Variants in VPS13B observed in about 807,000 individuals in gnomAD.
VPS13B encodes the protein intermembrane lipid transfer protein VPS13B.
A neutral mutation model predicts 426.4 loss-of-function variants in VPS13B; 285 were observed. The observed-to-expected ratio is 0.67, with a 90% CI of 0.61 to 0.74. The LOEUF (loss-of-function observed/expected upper bound fraction) is 0.74, where lower values mean the gene tolerates loss of function less well. Ranked by LOEUF, VPS13B falls within the 30% of genes least tolerant of loss-of-function variation. VPS13B has a pLI of 0.00. For synonymous variants in VPS13B, 1,676 were observed against 1,676.4 expected (o/e 1.00, Z 0.01); for missense variants, 4,537 against 4,782.6 (o/e 0.95, Z 1.51).
At chr8:99,275,918 G>A (rs1230385227) in intron 19 of VPS13B, among the ~76,000 whole-genome samples, 2 of 152,166 alleles carry the variant, frequency 1.3e-5, no homozygotes, top group African/African-American at 4.8e-5. Context: ...AGTCAATGAA[G>A]CTAGCAACGT....
Position 99,814,360 on chromosome 8 carries a change from A to G in VPS13B, c.8098-3180A>G, listed in dbSNP as rs552405826. ...TTCTATTTTATGTTTATTGTTTCAC[A>G]TAACGAGGAGGAAGAAGGCTGGTTC... is the stretch of plus-strand genomic sequence containing the variant. On this transcript the variant is annotated intron_variant, in intron 44 of 61. Transcript: ENST00000357162. 3.3e-5 allele frequency among the ~76,000 whole-genome samples: 5 copies of G among 152,348 alleles called. No homozygotes were observed. The South Asian group carries it at 1.0e-3, about 32-fold the overall frequency.
intron 31 of VPS13B, among the ~76,000 whole-genome samples, chr8:99,566,506 T>C (rs1825196568): frequency 6.6e-6 from 1 of 151,996 alleles, no homozygotes; most frequent in Non-Finnish European, 1.5e-5. Context: ...AGTGGTGCAG[T>C]CTCAGCTCAC....
intron 51 of VPS13B, among the ~76,000 whole-genome samples, chr8:99,830,897 A>C (rs532810854): frequency 6.6e-4 from 100 of 151,612 alleles, no homozygotes; most frequent in African/African-American, 1.8e-3. Context: ...GCGACACCCC[A>C]CCCTGCTTCT....
chr8:99,358,411 A>G (rs556057377), intron 19 of VPS13B, among the ~76,000 whole-genome samples: 2 of 152,292 alleles, frequency 1.3e-5, no homozygotes, highest in Middle Eastern at 3.4e-3. Context: ...AATAATAATA[A>G]TATATTCATT....
intron 51 of VPS13B, among the ~76,000 whole-genome samples, chr8:99,829,896 A>G (rs1326785364): frequency 1.3e-5 from 2 of 152,202 alleles, no homozygotes; most frequent in Non-Finnish European, 2.9e-5. Context: ...GGTCCACCCC[A>G]GACCCTGTTT....
chr8:99,371,106 T>C (rs1456920872), intron 19 of VPS13B, among the ~76,000 whole-genome samples: 2 of 152,224 alleles, frequency 1.3e-5, no homozygotes, highest in African/African-American at 4.8e-5. Context: ...TCTCTGTTAA[T>C]GTCACAAGAA....
chr8:99,348,878 T>A (rs1169754348), intron 19 of VPS13B, among the ~76,000 whole-genome samples: 1 of 152,136 alleles, frequency 6.6e-6, no homozygotes, highest in Non-Finnish European at 1.5e-5. Flanking sequence ...AGGAGTTTTT[T>A]TGTAGCATGA....
At chr8:99,496,189 C>G (rs928409382) in intron 25 of VPS13B, among the ~76,000 whole-genome samples, 29 of 152,122 alleles carry the variant, frequency 1.9e-4, no homozygotes, top group Non-Finnish European at 3.2e-4. Flanking sequence ...ATAAATAAAA[C>G]TTTATATTTT....
chr8:99,204,704 A>C (rs1262618023), intron 17 of VPS13B, among the ~76,000 whole-genome samples: 2 of 152,258 alleles, frequency 1.3e-5, no homozygotes, highest in African/African-American at 2.4e-5. Flanking sequence ...AGATATGAAC[A>C]AACATTTCTC....
At chr8:99,723,294 G>A (rs2130357591) in intron 39 of VPS13B, among the ~76,000 whole-genome samples, 1 of 152,236 alleles carries the variant, frequency 6.6e-6, no homozygotes, top group South Asian at 2.1e-4. Flanking sequence ...TGTTATATAA[G>A]TATGACTATT....
At chr8:99,573,572 C>A (rs1825602936) in intron 31 of VPS13B, among the ~76,000 whole-genome samples, 2 of 152,146 alleles carry the variant, frequency 1.3e-5, no homozygotes, top group Admixed American at 6.5e-5. Flanking sequence ...TTCCCCATTT[C>A]TTGTTTTTGT....
At chr8:99,121,679 A>G (rs536661368) in intron 8 of VPS13B, 1 of 1,172,452 alleles carries the variant, frequency 8.5e-7, no homozygotes, top group South Asian at 2.2e-5. Flanking sequence ...AGCTTCATGG[A>G]TAGTTTTTTG....
At chr8:99,360,193 TCTCTCTC>T (rs1812462441) in intron 19 of VPS13B, among the ~76,000 whole-genome samples, 1 of 38,014 alleles carries the variant, frequency 2.6e-5, no homozygotes, top group African/African-American at 1.4e-4. Context: ...TTTCTTTCTC[TCTCTCTC>T]TCTCTCTCTC....
intron 30 of VPS13B, among the ~76,000 whole-genome samples, chr8:99,537,473 T>C (rs1480262315): frequency 6.6e-6 from 1 of 152,196 alleles, no homozygotes; most frequent in East Asian, 1.9e-4. Flanking sequence ...TCAGGTTTGT[T>C]CTCCATAGTT....
chr8:99,124,238 T>C (rs991509469), intron 8 of VPS13B, among the ~76,000 whole-genome samples: 1 of 152,200 alleles, frequency 6.6e-6, no homozygotes, highest in Non-Finnish European at 1.5e-5. Flanking sequence ...TGGAAATTAC[T>C]GGTGATTTTG....
At chr8:99,475,923 A>T (rs1055777756) in intron 24 of VPS13B, among the ~76,000 whole-genome samples, 2 of 152,214 alleles carry the variant, frequency 1.3e-5, no homozygotes, top group Admixed American at 1.3e-4. Context: ...TCTTTATGTA[A>T]TTCTACTTTA....
intron 4 of VPS13B, among the ~76,000 whole-genome samples, chr8:99,102,415 G>A (rs7462457): frequency 0.82 from 125,102 of 152,018 alleles, 51,967 homozygotes; most frequent in South Asian, 0.89. Flanking sequence ...TAGTAAGTGA[G>A]TAGAGTTGAA....
At chr8:99,621,055 A>G (rs1025133681) in intron 33 of VPS13B, among the ~76,000 whole-genome samples, 2 of 151,354 alleles carry the variant, frequency 1.3e-5, no homozygotes, top group Non-Finnish European at 2.9e-5. Flanking sequence ...AAACTAGAGG[A>G]TCTTCATAAA....
In VPS13B at chr8:99,317,250, T is replaced by A. The variant is rs534066007; in HGVS notation, c.2824+41996T>A. ...CTGAACTTTAGATAAAGTTTTTTTT[T>A]AAATTATTTGTACTTATTTATGGGG... On this transcript the variant is annotated intron_variant, in intron 19 of 61. Transcript: ENST00000357162. Among the ~76,000 whole-genome samples, 59 of 152,310 alleles carry A rather than the reference T, an allele frequency of 3.9e-4. 1 individual carries two copies. Among genetic ancestry groups the A allele is most frequent in the East Asian group, 3.9e-3 (20 of 5,188 alleles).
Sources: gnomAD v4.1 joint callset for allele counts (sites outside exome capture counted in the v4.1 genomes callset) on GRCh38, gnomAD v4.1.1 for gene constraint, MANE v1.5 for transcripts, NCBI Gene and HGNC (gene_info 2026-07-23, HGNC 2026-07-21) for gene names.